GLRA3: variants seen among roughly 807,000 people sequenced by gnomAD.
The protein encoded by GLRA3 is glycine receptor alpha 3, also known as glycine receptor subunit alpha-3.
In GLRA3, 44 loss-of-function variants were observed where a neutral mutation model predicts 60.4. That is an observed-to-expected ratio of 0.73 (90% confidence interval 0.57 to 0.94). The LOEUF is 0.94. Among genes scored for constraint, GLRA3 ranks in the 40% least tolerant of loss-of-function variants. GLRA3 has a pLI of 0.00. For synonymous variants in GLRA3, 223 were observed against 192.9 expected (o/e 1.16, Z -1.29); for missense variants, 508 against 564.6 (o/e 0.90, Z 1.02).
chr4:174,680,636 G>A lies in GLRA3; in HGVS notation c.712+2166C>T, dbSNP rs112832742. On this transcript the variant is annotated intron_variant, in intron 6 of 9. Coordinates refer to ENST00000274093, the MANE Select transcript of GLRA3 (RefSeq NM_006529.4). Reference sequence around the variant, plus strand: ...TAAGCAAGCAAGTCATTGTGGCAGGGTATTACGGAGCAAGGGGAAGAGAGG... The same window carrying A: ...TAAGCAAGCAAGTCATTGTGGCAGGATATTACGGAGCAAGGGGAAGAGAGG... Among the ~76,000 whole-genome samples the A allele has an allele frequency of 3.1e-3, 469 of 152,240 alleles. 3 individuals carry two copies. The highest frequency in any genetic ancestry group is 5.5e-3 in the Non-Finnish European group (371 of 68,010).
At position 174,655,633 on chromosome 4, in the gene GLRA3, A is replaced by T. The variant is rs1452282411; in HGVS notation, c.1116+1110T>A. On this transcript the variant is annotated intron_variant, in intron 9 of 9. Coordinates refer to ENST00000274093, the MANE Select transcript of GLRA3 (RefSeq NM_006529.4). ...GTCTAATACCTACTTGTATCTATAA[A>T]TATATATTGCAAACACTATATCTAA... Among the ~76,000 whole-genome samples the T allele has an allele frequency of 3.3e-5, 5 of 152,138 alleles. No individual in the cohort carries two copies. The East Asian group carries it at 9.6e-4, about 29-fold the overall frequency.
At chr4:174,671,738 C>G (rs923126664) in intron 7 of GLRA3, among the ~76,000 whole-genome samples, 12 of 152,112 alleles carry the variant, frequency 7.9e-5, no homozygotes, top group Non-Finnish European at 1.5e-4. Flanking sequence ...CAACCTCTGC[C>G]TCCCGGGTTT....
At chr4:174,744,022 C>G (rs896893382) in intron 3 of GLRA3, among the ~76,000 whole-genome samples, 7 of 152,164 alleles carry the variant, frequency 4.6e-5, no homozygotes, top group African/African-American at 1.7e-4. Context: ...TATGTCCCCA[C>G]TAGTAGCATG....
chr4:174,683,022 G>A, intron 5 of GLRA3, 83 bp from the exon 6 acceptor site: 1 of 1,084,336 alleles, frequency 9.2e-7, no homozygotes, highest in Non-Finnish European at 1.4e-6. Flanking sequence ...TAGTCACATA[G>A]GATGAGAAGA....
At chr4:174,742,474 A>C (rs1216226674) in intron 3 of GLRA3, among the ~76,000 whole-genome samples, 1 of 152,178 alleles carries the variant, frequency 6.6e-6, no homozygotes, top group Non-Finnish European at 1.5e-5. Flanking sequence ...AGGAAAGAGA[A>C]TTGCAAAAAT....
chr4:174,715,484 T>G lies in GLRA3; in HGVS notation c.574+4A>C, dbSNP rs771266005. 1.9e-5 allele frequency: 27 copies of G among 1,425,684 alleles called. No individual in the cohort carries two copies. The highest frequency in any genetic ancestry group is 2.8e-5 in the African/African-American group (2 of 71,042). The allele number at this position is 1,425,684 out of a possible 1,614,324, so 88.3% of individuals were successfully genotyped here. ...ATTTTAAAAAGTAAGTGGTTCATAC[T>G]TACAGCTTTCCAGTTGCATTATACA... On this transcript the variant is annotated splice_donor_region_variant and intron_variant, in intron 5 of 9. Transcript: ENST00000274093.
chr4:174,745,985 G>T (rs1737230639), intron 3 of GLRA3, among the ~76,000 whole-genome samples: 1 of 151,922 alleles, frequency 6.6e-6, no homozygotes, highest in Non-Finnish European at 1.5e-5. Context: ...TTATTAATAA[G>T]AAAAAATAAC....
intron 7 of GLRA3, among the ~76,000 whole-genome samples, chr4:174,674,389 G>A (rs1203475544): frequency 1.3e-5 from 2 of 152,150 alleles, no homozygotes; most frequent in African/African-American, 4.8e-5. Flanking sequence ...CTGCAAAAAT[G>A]TAAAAGAGTT....
At chr4:174,798,521 G>C (rs996455677) in intron 1 of GLRA3, among the ~76,000 whole-genome samples, 1 of 152,104 alleles carries the variant, frequency 6.6e-6, no homozygotes, top group African/African-American at 2.4e-5. Flanking sequence ...AAATCAAAGT[G>C]GCTAAGAAAA....
At chr4:174,688,355 A>G (rs1320337363) in intron 5 of GLRA3, among the ~76,000 whole-genome samples, 1 of 127,766 alleles carries the variant, frequency 7.8e-6, no homozygotes, top group Admixed American at 7.6e-5. Context: ...ATATATATAT[A>G]TATATATATA....
chr4:174,666,762 T>TA (rs1561042419), intron 7 of GLRA3, among the ~76,000 whole-genome samples: 16 of 32,464 alleles, frequency 4.9e-4, no homozygotes, highest in Admixed American at 1.0e-3. Context: ...ATATATATTA[T>TA]ATATATATAT....
At chr4:174,731,971 C>T (rs900374898) in intron 3 of GLRA3, among the ~76,000 whole-genome samples, 1 of 152,180 alleles carries the variant, frequency 6.6e-6, no homozygotes, top group African/African-American at 2.4e-5. Flanking sequence ...ATTTACTGGG[C>T]TGTTAAAAAT....
intron 1 of GLRA3, among the ~76,000 whole-genome samples, chr4:174,826,620 A>T (rs1412304766): frequency 1.3e-5 from 2 of 152,204 alleles, no homozygotes; most frequent in African/African-American, 4.8e-5. Context: ...CCTATGACAT[A>T]AAAAGTCTGT....
rs541978505 is a variant in GLRA3, at chr4:174,728,715, A to C, written c.268-17T>G. 4.0e-5 allele frequency: 56 copies of C among 1,387,754 alleles called. No homozygotes were observed. In the South Asian group the frequency reaches 6.8e-4, roughly 17 times the overall value. The allele number at this position is 1,387,754 out of a possible 1,614,324, so 86.0% of individuals were successfully genotyped here. Reference sequence around the variant, plus strand: ...TCTGTAATCCTATGATAAAATAATGAAAGAAAGAAAAAAAAAAACCCTGCT... The same window carrying C: ...TCTGTAATCCTATGATAAAATAATGCAAGAAAGAAAAAAAAAAACCCTGCT... On this transcript the variant is annotated splice_polypyrimidine_tract_variant and intron_variant, in intron 3 of 9. Coordinates refer to ENST00000274093, the MANE Select transcript of GLRA3 (RefSeq NM_006529.4).
In GLRA3 at chr4:174,766,990, G is replaced by A. The variant is rs12651268; in HGVS notation, c.240C>T (p.Ser80=). 0.34 allele frequency: 546,198 copies of A among 1,586,660 alleles called. 98,622 individuals carry two copies. Among genetic ancestry groups the A allele is most frequent in the East Asian group, 0.48 (21,434 of 44,256 alleles). The change falls in exon 3 of 10, where the codon AGC becomes AGT. Residue 80 remains serine, a synonymous_variant. Transcript: ENST00000274093. ...VNVTCNIFIN[S]FGSIAETTMD... ...TGGTCGTCTCTGCGATAGAGCCAAA[G>A]CTGTTGATGAATATGTTGCATGTGA...
intron 1 of GLRA3, among the ~76,000 whole-genome samples, chr4:174,790,135 A>G (rs1426955699): frequency 6.6e-6 from 1 of 152,212 alleles, no homozygotes; most frequent in Non-Finnish European, 1.5e-5. Flanking sequence ...AAATAACACT[A>G]TCTATTAGCT....
chr4:174,788,590 T>TAAAA (rs35640897), intron 2 of GLRA3, among the ~76,000 whole-genome samples: 11 of 87,858 alleles, frequency 1.3e-4, no homozygotes, highest in East Asian at 4.2e-4. Context: ...GTTAGAGAAG[T>TAAAA]AAAAAAAAAA....
chr4:174,745,688 A>C (rs1347073798), intron 3 of GLRA3, among the ~76,000 whole-genome samples: 3 of 152,102 alleles, frequency 2.0e-5, no homozygotes, highest in South Asian at 2.1e-4. Flanking sequence ...CAGTCAACAA[A>C]ATGAGGAGAT....
chr4:174,783,397 A>T (rs1356694600), intron 2 of GLRA3, among the ~76,000 whole-genome samples: 1 of 132,112 alleles, frequency 7.6e-6, no homozygotes, highest in Non-Finnish European at 1.7e-5. Context: ...ACCATTCAGG[A>T]CATAGGCATG....
Sources: allele counts gnomAD v4.1 joint callset (sites outside exome capture counted in the v4.1 genomes callset), GRCh38; gene constraint gnomAD v4.1.1; transcripts MANE v1.5; gene names NCBI Gene and HGNC (gene_info 2026-07-23, HGNC 2026-07-21).